PCDHB1: variants seen among roughly 807,000 people sequenced by gnomAD.
PCDHB1 encodes protocadherin beta 1.
A neutral mutation model predicts 43.5 loss-of-function variants in PCDHB1; 44 were observed. The ratio of observed to expected loss-of-function variants is 1.01; its 90% CI spans 0.79 to 1.30. The LOEUF is 1.30. Among genes scored for constraint, PCDHB1 ranks in the 50% most tolerant of loss-of-function variants. The probability of loss-of-function intolerance (pLI) is 0.00; values close to 1 mark genes in which losing one functional copy is unlikely to be tolerated. For synonymous variants in PCDHB1, 392 were observed against 400.8 expected (o/e 0.98, Z 0.26); for missense variants, 919 against 1,008.9 (o/e 0.91, Z 1.21).
rs1751162648 is a variant in PCDHB1 at position 141,057,631 on chromosome 5, AT to A, written c.*3705del. The A allele has an allele frequency of 1.3e-5, 2 of 152,044 alleles. No individual in the cohort carries two copies. Among genetic ancestry groups the A allele is most frequent in the South Asian group, 2.1e-4 (1 of 4,830 alleles). The allele number at this position is 152,044 out of a possible 1,614,324, so 9.4% of individuals were successfully genotyped here. A position where few individuals can be genotyped will look rare whatever the true frequency, so the allele number is the denominator to read the frequency against. On this transcript the variant is annotated 3_prime_UTR_variant, in exon 1 of 1. Coordinates refer to ENST00000306549, the MANE Select transcript of PCDHB1 (RefSeq NM_013340.4). ...AGAAACCATCCTTTAAATTTAAAAA[AT>A]GTATCGATTTAATAAAAAATTATTT...
chr5:141,054,164 TTAAAGAAATGTCACCCTC>T lies in PCDHB1; in HGVS notation c.*240_*257del, dbSNP rs1200236777. ...ACCCTTTCTCCAGTTGGAATTCTGT[TTAAAGAAATGTCACCCTC>T]TATAAATGCATATGTGGTAGGAACT... is the stretch of plus-strand genomic sequence containing the variant. On this transcript the variant is annotated 3_prime_UTR_variant, in exon 1 of 1. Transcript: ENST00000306549. The T allele has an allele frequency of 1.1e-5, 5 of 439,800 alleles. No homozygotes were observed. The Admixed American group carries it at 1.9e-4, about 16-fold the overall frequency. 27.2% of individuals were successfully genotyped at this position (439,800 alleles called of 1,614,324 possible).
In PCDHB1 at chr5:141,053,875, A is replaced by G. The variant is rs1554267559; in HGVS notation, c.2405A>G (p.Asn802Ser). 1 of 1,614,180 alleles carries G rather than the reference A, an allele frequency of 6.2e-7. No individual in the cohort carries two copies. The highest frequency in any genetic ancestry group is 8.5e-7 in the Non-Finnish European group (1 of 1,180,014). Residue 802 changes from asparagine (N) to serine (S), a missense_variant, in exon 1 of 1, where the codon AAT becomes AGT. Asn to Ser is a conservative substitution (Grantham distance 46). Coordinates refer to ENST00000306549, the MANE Select transcript of PCDHB1 (RefSeq NM_013340.4). The stretch of plus-strand genomic sequence containing the variant: ...AGTTTGCCCCCAAATTCTGATAGGA[A>G]TAAGTCTCAGAGATTAGAGGGCCAT... ...GSSLPPNSDR[N>S]KSQRLEGHDQ...
rs1751072872 is a variant in PCDHB1 at position 141,054,159 on chromosome 5, T to C, written c.*232T>C. ...CTATAACCCTTTCTCCAGTTGGAAT[T>C]CTGTTTAAAGAAATGTCACCCTCTA... is the stretch of plus-strand genomic sequence containing the variant. On this transcript the variant is annotated 3_prime_UTR_variant, in exon 1 of 1. Coordinates refer to ENST00000306549, the MANE Select transcript of PCDHB1 (RefSeq NM_013340.4). 4.5e-6 allele frequency: 2 copies of C among 445,436 alleles called. No individual in the cohort carries two copies. The highest frequency in any genetic ancestry group is 7.9e-6 in the Non-Finnish European group (2 of 251,682). The allele number at this position is 445,436 out of a possible 1,614,324, so 27.6% of individuals were successfully genotyped here. A position where few individuals can be genotyped will look rare whatever the true frequency, so the allele number is the denominator to read the frequency against.
chr5:141,051,982 C>A lies in PCDHB1; in HGVS notation c.512C>A (p.Thr171Asn). ...GGCCTTAACGGTCTCCAGAACTACA[C>A]CCTGAGTGCCAATGGGTATTTCCAC... ...DVGLNGLQNY[T>N]LSANGYFHLH... is the part of the protein sequence containing the mutation. Residue 171 changes from threonine to asparagine, a missense_variant, in exon 1 of 1, where the codon ACC becomes AAC. Thr to Asn is a moderately conservative substitution (Grantham distance 65, BLOSUM62 0). Coordinates refer to ENST00000306549, the MANE Select transcript of PCDHB1 (RefSeq NM_013340.4). 6.2e-7 allele frequency: 1 copy of A among 1,614,186 alleles called. No homozygotes were observed. The highest frequency in any genetic ancestry group is 1.1e-5 in the South Asian group (1 of 91,076).
In PCDHB1 at chr5:141,057,540, C is replaced by CAAAAAAAAAAAAAAAAAA. The variant is rs370497604; in HGVS notation, c.*3614_*3631dup. On this transcript the variant is annotated 3_prime_UTR_variant, in exon 1 of 1. Transcript: ENST00000306549. ...CTGGCGACAAAGCAAGACTCTGTCT[C>CAAAAAAAAAAAAAAAAAA]AAAAAAAAAAAAAAAAAAGAAAAAA... 2 of 72,352 alleles carry CAAAAAAAAAAAAAAAAAA rather than the reference C, an allele frequency of 2.8e-5. No homozygotes were observed. Among genetic ancestry groups the CAAAAAAAAAAAAAAAAAA allele is most frequent in the Non-Finnish European group, 5.6e-5 (2 of 35,630 alleles). The allele number at this position is 72,352 out of a possible 1,614,324, so 4.5% of individuals were successfully genotyped here.
At position 141,053,761 on chromosome 5, in the gene PCDHB1, G is replaced by C. The variant is rs1751059755; in HGVS notation, c.2291G>C (p.Gly764Ala). 6.2e-7 allele frequency: 1 copy of C among 1,614,070 alleles called. No homozygotes were observed. The highest frequency in any genetic ancestry group is 8.5e-7 in the Non-Finnish European group (1 of 1,180,032). ...GAAATGTGTTCAGCCACTGGCACTG[G>C]TAATAGTGAGTTTCGCTTTCTTAAG... ...PYEMCSATGT[G>A]NSEFRFLKRF... Residue 764 changes from glycine (G) to alanine (A), a missense_variant, in exon 1 of 1, where the codon GGT (glycine) becomes GCT (alanine). Gly to Ala is a moderately conservative substitution (Grantham distance 60). Transcript: ENST00000306549.
At position 141,055,762 on chromosome 5, in the gene PCDHB1, A is replaced by T. The variant is rs1297679828; in HGVS notation, c.*1835A>T. On this transcript the variant is annotated 3_prime_UTR_variant, in exon 1 of 1. Transcript: ENST00000306549. ...ATTCATAAAATGAAATGGAGTGGGG[A>T]GACAACTTAAGCTTCTCTTTGATCA... 6.6e-6 allele frequency: 1 copy of T among 152,246 alleles called. No individual in the cohort carries two copies. The highest frequency in any genetic ancestry group is 1.9e-4 in the East Asian group (1 of 5,204). 9.4% of individuals were successfully genotyped at this position (152,246 alleles called of 1,614,324 possible).
Position 141,052,952 on chromosome 5 carries a change from A to C in PCDHB1, c.1482A>C (p.Pro494=), listed in dbSNP as rs782738632. Residue 494 remains proline, a synonymous_variant, in exon 1 of 1, where the codon CCA becomes CCC. Coordinates refer to ENST00000306549, the MANE Select transcript of PCDHB1 (RefSeq NM_013340.4). ...AAATAACATATTCTCTGTTGCCTCC[A>C]AAAAACGGAGATCTTTCAGTCTTTG... is the stretch of plus-strand genomic sequence containing the variant. ...NAQITYSLLP[P]KNGDLSVFAY... The C allele has an allele frequency of 1.1e-5, 18 of 1,614,024 alleles. No individual in the cohort carries two copies. Among genetic ancestry groups the C allele is most frequent in the Non-Finnish European group, 1.4e-5 (17 of 1,179,990 alleles).
Position 141,052,375 on chromosome 5 carries a change from G to A in PCDHB1, c.905G>A (p.Arg302Gln), listed in dbSNP as rs781840117. Residue 302 changes from arginine to glutamine, a missense_variant, in exon 1 of 1, where the codon CGA becomes CAA. Arg to Gln is a conservative substitution (Grantham distance 43). Coordinates refer to ENST00000306549, the MANE Select transcript of PCDHB1 (RefSeq NM_013340.4). ...ATTGACCCTCAAAATGGAGAAGTTCGACTAAGAGGACCCCTCGATTTTGAA... is the reference window on the plus strand; with the variant it reads ...ATTGACCCTCAAAATGGAGAAGTTCAACTAAGAGGACCCCTCGATTTTGAA... The part of the protein sequence containing the change: ...FQIDPQNGEV[R>Q]LRGPLDFEAI... The A allele has an allele frequency of 1.2e-6, 2 of 1,614,178 alleles. No individual in the cohort carries two copies. Among genetic ancestry groups the A allele is most frequent in the South Asian group, 2.2e-5 (2 of 91,080 alleles).
Position 141,053,163 on chromosome 5 carries a change from C to G in PCDHB1, c.1693C>G (p.Pro565Ala), listed in dbSNP as rs1554267400. The G allele has an allele frequency of 1.2e-6, 2 of 1,614,120 alleles. No homozygotes were observed. Among genetic ancestry groups the G allele is most frequent in the South Asian group, 2.2e-5 (2 of 91,078 alleles). The change falls in exon 1 of 1, where the codon CCA (proline) becomes GCA (alanine). Residue 565 changes from proline (P) to alanine (A), a missense_variant. Transcript: ENST00000306549. The part of the protein sequence containing the change: ...DNDNRPMILY[P>A]LQNGTLPCND... Reference sequence around the variant, plus strand: ...TGACAATCGTCCAATGATCTTATACCCACTGCAGAACGGCACCTTGCCCTG... The same window carrying G: ...TGACAATCGTCCAATGATCTTATACGCACTGCAGAACGGCACCTTGCCCTG...
Position 141,052,029 on chromosome 5 carries a change from C to T in PCDHB1, c.559C>T (p.His187Tyr). ...CCACCTGCACACCCGCTTCTGCAGC[C>T]ACGGGCCTAAATATGCTGAGCTGGT... The part of the protein sequence containing the change: ...YFHLHTRFCS[H>Y]GPKYAELVLN... Residue 187 changes from histidine to tyrosine, a missense_variant, in exon 1 of 1, where the codon CAC becomes TAC. Coordinates refer to ENST00000306549, the MANE Select transcript of PCDHB1 (RefSeq NM_013340.4). 1.2e-6 allele frequency: 2 copies of T among 1,614,178 alleles called. No individual in the cohort carries two copies. Among genetic ancestry groups the T allele is most frequent in the South Asian group, 1.1e-5 (1 of 91,082 alleles).
Position 141,052,539 on chromosome 5 carries a change from C to T in PCDHB1, c.1069C>T (p.Pro357Ser), listed in dbSNP as rs782557174. Residue 357 changes from proline (P) to serine (S), a missense_variant, in exon 1 of 1, where the codon CCT becomes TCT. By Grantham distance (74) the Pro-to-Ser change is moderately conservative. Transcript: ENST00000306549. Reference sequence around the variant, plus strand: ...GGTCTCCTCTGTGTCCAGCCCACTCCCTGAAGACTCACCACCACAGACAGT... The same window carrying T: ...GGTCTCCTCTGTGTCCAGCCCACTCTCTGAAGACTCACCACCACAGACAGT... ...VMVSSVSSPL[P>S]EDSPPQTVVA... 1 of 1,614,166 alleles carries T rather than the reference C, an allele frequency of 6.2e-7. No homozygotes were observed. The highest frequency in any genetic ancestry group is 1.1e-5 in the South Asian group (1 of 91,084).
rs1398297836 is a variant in PCDHB1, at chr5:141,054,228, C to T, written c.*301C>T. On this transcript the variant is annotated 3_prime_UTR_variant, in exon 1 of 1. Coordinates refer to ENST00000306549, the MANE Select transcript of PCDHB1 (RefSeq NM_013340.4). ...GAACTTCTGCTTTTCCATCTCTGTG[C>T]TAGCAAGTAATGAATAAGCCATTAT... 8 of 280,036 alleles carry T rather than the reference C, an allele frequency of 2.9e-5. No homozygotes were observed. The highest frequency in any genetic ancestry group is 1.3e-4 in the African/African-American group (6 of 46,804). 17.3% of individuals were successfully genotyped at this position (280,036 alleles called of 1,614,324 possible). A position where few individuals can be genotyped will look rare whatever the true frequency, so the allele number is the denominator to read the frequency against.
chr5:141,055,716 A>G lies in PCDHB1; in HGVS notation c.*1789A>G, dbSNP rs1449627130. Reference sequence around the variant, plus strand: ...AAGTTAACACATGCAAACTGAGAAAAAGTGGCATTTTTAGTAAATCATTCA... The same window carrying G: ...AAGTTAACACATGCAAACTGAGAAAGAGTGGCATTTTTAGTAAATCATTCA... On this transcript the variant is annotated 3_prime_UTR_variant, in exon 1 of 1. Transcript: ENST00000306549. 5 of 152,242 alleles carry G rather than the reference A, an allele frequency of 3.3e-5. No homozygotes were observed. Among genetic ancestry groups the G allele is most frequent in the Non-Finnish European group, 7.3e-5 (5 of 68,046 alleles). 9.4% of individuals were successfully genotyped at this position (152,242 alleles called of 1,614,324 possible).
Position 141,051,511 on chromosome 5 carries a change from T to C in PCDHB1, c.41T>C (p.Val14Ala). 1 of 1,614,212 alleles carries C rather than the reference T, an allele frequency of 6.2e-7. No homozygotes were observed. The highest frequency in any genetic ancestry group is 1.6e-4 in the Middle Eastern group (1 of 6,062). The change falls in exon 1 of 1, where the codon GTG becomes GCG. Residue 14 changes from valine (V) to alanine (A), a missense_variant. Val to Ala is a moderately conservative substitution (Grantham distance 64). Transcript: ENST00000306549. ...TRRKSLQNRQ[V>A]GSLLIFLCIS... The stretch of plus-strand genomic sequence containing the variant: ...AGAAAATCTTTGCAAAACAGGCAAG[T>C]GGGATCTCTTCTCATTTTTCTGTGC...
chr5:141,057,129 C>T lies in PCDHB1; in HGVS notation c.*3202C>T, dbSNP rs1223717911. ...AAATTCATGAATACATATATACACA[C>T]ATACACAATGGACAGAAGATGTAGA... is the stretch of plus-strand genomic sequence containing the variant. On this transcript the variant is annotated 3_prime_UTR_variant, in exon 1 of 1. Coordinates refer to ENST00000306549, the MANE Select transcript of PCDHB1 (RefSeq NM_013340.4). The T allele has an allele frequency of 6.6e-6, 1 of 152,240 alleles. No individual in the cohort carries two copies. The highest frequency in any genetic ancestry group is 2.4e-5 in the African/African-American group (1 of 41,534). 9.4% of individuals were successfully genotyped at this position (152,240 alleles called of 1,614,324 possible).
chr5:141,053,813 T>G lies in PCDHB1; in HGVS notation c.2343T>G (p.Pro781=). Residue 781 remains proline (P), a synonymous_variant, in exon 1 of 1, where the codon CCT becomes CCG. Transcript: ENST00000306549. The part of the protein sequence containing the change: ...LKRFMPNFPF[P]HATGEIKMEA... Reference sequence around the variant, plus strand: ...GTTTTATGCCCAACTTCCCTTTCCCTCATGCCACTGGGGAGATAAAAATGG... The same window carrying G: ...GTTTTATGCCCAACTTCCCTTTCCCGCATGCCACTGGGGAGATAAAAATGG... 1.2e-6 allele frequency: 2 copies of G among 1,614,084 alleles called. No homozygotes were observed. The highest frequency in any genetic ancestry group is 1.7e-6 in the Non-Finnish European group (2 of 1,179,952).
chr5:141,052,860 A>T lies in PCDHB1; in HGVS notation c.1390A>T (p.Asn464Tyr). The T allele has an allele frequency of 6.2e-7, 1 of 1,614,190 alleles. No homozygotes were observed. The highest frequency in any genetic ancestry group is 1.3e-5 in the African/African-American group (1 of 75,048). The change falls in exon 1 of 1, where the codon AAC becomes TAC. Residue 464 changes from asparagine to tyrosine, a missense_variant. Asn to Tyr is a moderately radical substitution (Grantham distance 143, BLOSUM62 -2). Coordinates refer to ENST00000306549, the MANE Select transcript of PCDHB1 (RefSeq NM_013340.4). ...TTCCTATATCTTGACTGTTCGAGAA[A>T]ACAACAGTCCTGCGGTTTTTATTGG... ...EDSYILTVRE[N>Y]NSPAVFIGKV...
In PCDHB1 at chr5:141,057,540, C is replaced by CAAAAAAAAAAAAAAA. The variant is rs370497604; in HGVS notation, c.*3617_*3631dup. ...CTGGCGACAAAGCAAGACTCTGTCT[C>CAAAAAAAAAAAAAAA]AAAAAAAAAAAAAAAAAAGAAAAAA... On this transcript the variant is annotated 3_prime_UTR_variant, in exon 1 of 1. Transcript: ENST00000306549. 111 of 71,828 alleles carry CAAAAAAAAAAAAAAA rather than the reference C, an allele frequency of 1.5e-3. No individual in the cohort carries two copies. Among genetic ancestry groups the CAAAAAAAAAAAAAAA allele is most frequent in the East Asian group, 2.0e-3 (6 of 3,034 alleles). The allele number at this position is 71,828 out of a possible 1,614,324, so 4.4% of individuals were successfully genotyped here.
Sources: allele counts gnomAD v4.1 joint callset, GRCh38; gene constraint gnomAD v4.1.1; transcripts MANE v1.5; gene names NCBI Gene and HGNC (gene_info 2026-07-23, HGNC 2026-07-21).